PRSS21: variants seen among roughly 807,000 people sequenced by gnomAD.
PRSS21 encodes testisin.
A neutral mutation model predicts 31.1 loss-of-function variants in PRSS21; 40 were observed. That is an observed-to-expected ratio of 1.29 (90% CI 1.00 to 1.68). PRSS21 has a LOEUF of 1.68. Among genes scored for constraint, PRSS21 ranks in the 40% most tolerant of loss-of-function variants. The pLI is 0.00. For synonymous variants in PRSS21, 186 were observed against 167.7 expected, an observed-to-expected ratio of 1.11 and a Z score of -0.84; for missense variants, 467 against 412.6, an observed-to-expected ratio of 1.13 and a Z score of -1.14.
chr16:2,817,626 C>T lies in PRSS21; in HGVS notation c.91+170C>T, dbSNP rs1596313616. On this transcript the variant is annotated intron_variant, in intron 2 of 5. Coordinates refer to ENST00000005995, the MANE Select transcript of PRSS21 (RefSeq NM_006799.4). The surrounding 1 kb of genome is among the most constrained non-coding windows in gnomAD (Gnocchi z 4.2). ...CGGACGCTGGAGGGGGATGGGCGGG[C>T]CCTGCAGAGCACGTGGGAGGATCTC... 7.9e-7 allele frequency: 1 copy of T among 1,262,284 alleles called. No individual in the cohort carries two copies. Among genetic ancestry groups the T allele is most frequent in the East Asian group, 2.5e-5 (1 of 39,268 alleles). The allele number at this position is 1,262,284 out of a possible 1,614,324, so 78.2% of individuals were successfully genotyped here.
chr16:2,817,261 A>G lies in PRSS21; in HGVS notation c.-8A>G, dbSNP rs1490997668. 3 of 1,520,780 alleles carry G rather than the reference A, an allele frequency of 2.0e-6. No individual in the cohort carries two copies. The highest frequency in any genetic ancestry group is 4.1e-5 in the Admixed American group (2 of 49,116). The allele number at this position is 1,520,780 out of a possible 1,614,324, so 94.2% of individuals were successfully genotyped here. A position where few individuals can be genotyped will look rare whatever the true frequency, so the allele number is the denominator to read the frequency against. ...CAGAGGGGGCGTCAGGCCGCGGGAGAGGAGGCCATGGGCGCGCGCGGGGCG... is the reference window on the plus strand; with the variant it reads ...CAGAGGGGGCGTCAGGCCGCGGGAGGGGAGGCCATGGGCGCGCGCGGGGCG... On this transcript the variant is annotated 5_prime_UTR_variant, in exon 1 of 6. Transcript: ENST00000005995. This position sits in a 1 kb window ranked among gnomAD's most constrained non-coding sequence, Gnocchi z 4.2.
Position 2,817,948 on chromosome 16 carries a change from C to G in PRSS21, c.239C>G (p.Ala80Gly). 3 of 1,548,888 alleles carry G rather than the reference C, an allele frequency of 1.9e-6. No individual in the cohort carries two copies. Among genetic ancestry groups the G allele is most frequent in the Non-Finnish European group, 2.6e-6 (3 of 1,146,742 alleles). ...SLLSHRWALT[A>G]AHCFETYSDL... ...CTCAGCCACCGCTGGGCACTCACGGCGGCGCACTGCTTTGAAACGTGAGTG... is the reference window on the plus strand; with the variant it reads ...CTCAGCCACCGCTGGGCACTCACGGGGGCGCACTGCTTTGAAACGTGAGTG... The change falls in exon 3 of 6, where the codon GCG becomes GGG. Residue 80 changes from alanine (A) to glycine (G), a missense_variant. Ala to Gly is a moderately conservative substitution (Grantham distance 60). Transcript: ENST00000005995. The surrounding 1 kb of genome is among the most constrained non-coding windows in gnomAD (Gnocchi z 4.2).
chr16:2,820,952 C>G lies in PRSS21; in HGVS notation c.551-3C>G, dbSNP rs1219346379. 6.2e-7 allele frequency: 1 copy of G among 1,613,128 alleles called. No individual in the cohort carries two copies. The highest frequency in any genetic ancestry group is 1.1e-5 in the South Asian group (1 of 91,070). ...TCTCTCCTTCCCACTATCGTCCGCA[C>G]AGCACTGCCATCTCCCCACACCCTC... On this transcript the variant is annotated splice_region_variant and splice_polypyrimidine_tract_variant and intron_variant, in intron 4 of 5. Transcript: ENST00000005995.
rs528891313 is a variant in PRSS21 at position 2,818,987 on chromosome 16, C to A, written c.550+18C>A. 4 of 1,611,574 alleles carry A rather than the reference C, an allele frequency of 2.5e-6. No individual in the cohort carries two copies. The Admixed American group carries it at 5.0e-5, about 20-fold the overall frequency. On this transcript the variant is annotated intron_variant, in intron 4 of 5. Coordinates refer to ENST00000005995, the MANE Select transcript of PRSS21 (RefSeq NM_006799.4). ...GGATGAGGGTGAGGCTGGGGACAGG[C>A]GGGTCAGGGAGGAACTGTCTTTGTT...
chr16:2,819,828 A>G (rs1040797158), intron 4 of PRSS21, among the ~76,000 whole-genome samples: 1 of 152,162 alleles, frequency 6.6e-6, no homozygotes, highest in Non-Finnish European at 1.5e-5. Flanking sequence ...GTAAATGGAG[A>G]AGTCAGGGCC....
Position 2,818,917 on chromosome 16 carries a change from G to A in PRSS21, c.498G>A (p.Glu166=), listed in dbSNP as rs1296677292. The A allele has an allele frequency of 6.2e-7, 1 of 1,614,238 alleles. No individual in the cohort carries two copies. The highest frequency in any genetic ancestry group is 2.2e-5 in the East Asian group (1 of 44,892). The part of the protein sequence containing the change: ...ICLQASTFEF[E]NRTDCWVTGW... The stretch of plus-strand genomic sequence containing the variant: ...TCCAGGCCTCCACATTTGAGTTTGA[G>A]AACCGGACAGACTGCTGGGTGACTG... The change falls in exon 4 of 6, where the codon GAG becomes GAA. Residue 166 remains glutamate (E), a synonymous_variant. Transcript: ENST00000005995.
intron 4 of PRSS21, among the ~76,000 whole-genome samples, chr16:2,820,660 G>A (rs1015542356): frequency 1.4e-4 from 22 of 152,176 alleles, no homozygotes; most frequent in Middle Eastern, 3.2e-3. Context: ...CCCCTCCCTC[G>A]GCTCCTTTTG....
chr16:2,821,214 C>G, intron 5 of PRSS21, 105 bp downstream of exon 5: 1 of 1,546,152 alleles, frequency 6.5e-7, no homozygotes, highest in East Asian at 2.2e-5. Context: ...TTGCCCCACT[C>G]TGCAGATGCA....
Position 2,821,059 on chromosome 16 carries a change from G to A in PRSS21, c.655G>A (p.Gly219Arg). The A allele has an allele frequency of 1.2e-6, 2 of 1,614,180 alleles. No individual in the cohort carries two copies. Among genetic ancestry groups the A allele is most frequent in the Non-Finnish European group, 1.7e-6 (2 of 1,180,030 alleles). ...GTACAGTTTCCGCAAGGACATCTTTGGAGACATGGTTTGTGCTGGCAATGC... is the reference window on the plus strand; with the variant it reads ...GTACAGTTTCCGCAAGGACATCTTTAGAGACATGGTTTGTGCTGGCAATGC... ...LKYSFRKDIF[G>R]DMVCAGNAQG... is the part of the protein sequence containing the mutation. Residue 219 changes from glycine (G) to arginine (R), a missense_variant, in exon 5 of 6, where the codon GGA (glycine) becomes AGA (arginine). By Grantham distance (125) the Gly-to-Arg change is moderately radical. Coordinates refer to ENST00000005995, the MANE Select transcript of PRSS21 (RefSeq NM_006799.4).
chr16:2,820,605 G>C (rs1277103440), intron 4 of PRSS21, among the ~76,000 whole-genome samples: 1 of 152,168 alleles, frequency 6.6e-6, no homozygotes, highest in Admixed American at 6.5e-5. Flanking sequence ...CCTCCCCCAG[G>C]TCTGGCTTTG....
chr16:2,820,146 G>T (rs1389666602), intron 4 of PRSS21, among the ~76,000 whole-genome samples: 1 of 152,228 alleles, frequency 6.6e-6, no homozygotes, highest in Non-Finnish European at 1.5e-5. Context: ...GCTGTGCCCT[G>T]CGCGGGCTGG....
At position 2,817,311 on chromosome 16, in the gene PRSS21, C is replaced by T. The variant is rs528946126; in HGVS notation, c.43C>T (p.Arg15Trp). ...GCTGCTGCTGGCGCTGCTGCTGGCT[C>T]GGGCTGGACTCAGGAAGCCGGGTGA... is the stretch of plus-strand genomic sequence containing the variant. ...GALLLALLLA[R>W]AGLRKPESQE... is the part of the protein sequence containing the mutation. Residue 15 changes from arginine to tryptophan, a missense_variant, in exon 1 of 6, where the codon CGG becomes TGG. Physicochemically the swap from Arg to Trp is moderately radical, Grantham distance 101. Coordinates refer to ENST00000005995, the MANE Select transcript of PRSS21 (RefSeq NM_006799.4). This position sits in a 1 kb window ranked among gnomAD's most constrained non-coding sequence, Gnocchi z 4.2. 79 of 1,543,492 alleles carry T rather than the reference C, an allele frequency of 5.1e-5. No individual in the cohort carries two copies. The Admixed American group carries it at 6.0e-4, about 12-fold the overall frequency.
chr16:2,821,434 G>C lies in PRSS21; in HGVS notation c.774G>C (p.Trp258Cys). 6.2e-7 allele frequency: 1 copy of C among 1,614,244 alleles called. No individual in the cohort carries two copies. Among genetic ancestry groups the C allele is most frequent in the Non-Finnish European group, 8.5e-7 (1 of 1,180,026 alleles). The change falls in exon 6 of 6, where the codon TGG becomes TGC. Residue 258 changes from tryptophan to cysteine, a missense_variant. Physicochemically the swap from Trp to Cys is radical, Grantham distance 215. Coordinates refer to ENST00000005995, the MANE Select transcript of PRSS21 (RefSeq NM_006799.4). ...GGTATCAGATTGGAGTCGTGAGCTGGGGAGTGGGCTGTGGTCGGCCCAATC... is the reference window on the plus strand; with the variant it reads ...GGTATCAGATTGGAGTCGTGAGCTGCGGAGTGGGCTGTGGTCGGCCCAATC... Reference protein sequence around the residue: ...GLWYQIGVVSWGVGCGRPNRP... With the variant: ...GLWYQIGVVSCGVGCGRPNRP...
At position 2,818,683 on chromosome 16, in the gene PRSS21, T is replaced by G. The variant is rs1181868957; in HGVS notation, c.264T>G (p.Ser88Arg). 1 of 1,613,938 alleles carries G rather than the reference T, an allele frequency of 6.2e-7. No individual in the cohort carries two copies. The change falls in exon 4 of 6, where the codon AGT (serine) becomes AGG (arginine). Residue 88 changes from serine to arginine, a missense_variant. Physicochemically the swap from Ser to Arg is moderately radical, Grantham distance 110 (BLOSUM62 -1). Coordinates refer to ENST00000005995, the MANE Select transcript of PRSS21 (RefSeq NM_006799.4). ...LTAAHCFETY[S>R]DLSDPSGWMV... ...CTCTCTTCTCTTCTGCCAGCTATAGTGACCTTAGTGATCCCTCCGGGTGGA... is the reference window on the plus strand; with the variant it reads ...CTCTCTTCTCTTCTGCCAGCTATAGGGACCTTAGTGATCCCTCCGGGTGGA...
At position 2,821,349 on chromosome 16, in the gene PRSS21, G is replaced by A. The variant is rs540629198; in HGVS notation, c.706-17G>A. On this transcript the variant is annotated splice_polypyrimidine_tract_variant and intron_variant, in intron 5 of 5. Coordinates refer to ENST00000005995, the MANE Select transcript of PRSS21 (RefSeq NM_006799.4). ...CTCACTCTGCCCCAGGCTGACCTCA[G>A]CCCCGCTGCTCCCCAGGGTGACTCA... 1.2e-5 allele frequency: 19 copies of A among 1,613,462 alleles called. No individual in the cohort carries two copies. In the South Asian group the frequency reaches 1.9e-4, roughly 16 times the overall value.
rs769227169 is a variant in PRSS21 at position 2,818,769 on chromosome 16, C to T, written c.350C>T (p.Thr117Ile). The T allele has an allele frequency of 6.2e-7, 1 of 1,613,588 alleles. No homozygotes were observed. The highest frequency in any genetic ancestry group is 2.2e-5 in the East Asian group (1 of 44,884). ...TTCTGGAGCCTGCAGGCCTACTACA[C>T]CCGTTACTTCGTATCGAATATCTAT... ...PSFWSLQAYY[T>I]RYFVSNIYLS... The change falls in exon 4 of 6, where the codon ACC becomes ATC. Residue 117 changes from threonine (T) to isoleucine (I), a missense_variant. Transcript: ENST00000005995.
chr16:2,820,865 C>T (rs1453582661), intron 4 of PRSS21, 90 bp from the exon 5 acceptor site: 9 of 1,397,834 alleles, frequency 6.4e-6, no homozygotes, highest in Non-Finnish European at 6.9e-6. Flanking sequence ...CAGTGGGTGC[C>T]CCAGGGCCCC....
chr16:2,817,243 G>T lies in PRSS21; in HGVS notation c.-26G>T. Reference sequence around the variant, plus strand: ...GCCCGGCGCGAGAGGAGGCAGAGGGGGCGTCAGGCCGCGGGAGAGGAGGCC... The same window carrying T: ...GCCCGGCGCGAGAGGAGGCAGAGGGTGCGTCAGGCCGCGGGAGAGGAGGCC... On this transcript the variant is annotated 5_prime_UTR_variant, in exon 1 of 6. Transcript: ENST00000005995. This position sits in a 1 kb window ranked among gnomAD's most constrained non-coding sequence, Gnocchi z 4.2. 2 of 1,488,052 alleles carry T rather than the reference G, an allele frequency of 1.3e-6. No individual in the cohort carries two copies. Among genetic ancestry groups the T allele is most frequent in the South Asian group, 2.6e-5 (2 of 77,806 alleles). 92.2% of individuals were successfully genotyped at this position (1,488,052 alleles called of 1,614,324 possible).
chr16:2,819,882 G>A (rs138461094), intron 4 of PRSS21, among the ~76,000 whole-genome samples: 16 of 152,318 alleles, frequency 1.1e-4, no homozygotes, highest in Middle Eastern at 3.4e-3. Flanking sequence ...GTCACACCCC[G>A]GCAGTTGGGA....
Sources: allele counts gnomAD v4.1 joint callset (sites outside exome capture counted in the v4.1 genomes callset), GRCh38; gene constraint gnomAD v4.1.1; non-coding constraint Gnocchi (gnomAD v3.1); transcripts MANE v1.5; gene names NCBI Gene and HGNC (gene_info 2026-07-23, HGNC 2026-07-21).